Variants in DEFB119 observed in about 807,000 individuals in gnomAD.
DEFB119 encodes defensin beta 119.
Under a neutral mutation model 2.5 loss-of-function variants are expected in DEFB119, and 3 were observed. The observed-to-expected ratio is 1.19, with a 90% CI of 0.54 to 3.07. The LOEUF is 3.07. Ranked by LOEUF, DEFB119 falls within the 30% of genes most tolerant of loss-of-function variation. The pLI is 0.03. For synonymous variants in DEFB119, 29 were observed against 33.7 expected (o/e 0.86, Z 0.48); for missense variants, 113 against 101.1 (o/e 1.12, Z -0.50).
chr20:31,383,880 A>G (rs1986593616), intron 1 of DEFB119, among the ~76,000 whole-genome samples: 1 of 152,046 alleles, frequency 6.6e-6, no homozygotes. Flanking sequence ...AAGTCCAACA[A>G]GATCTGATGG....
At chr20:31,389,280 G>T in intron 1 of DEFB119, 3 of 1,610,322 alleles carry the variant, frequency 1.9e-6, no homozygotes, top group Non-Finnish European at 2.5e-6. Flanking sequence ...TCCCTCAAGC[G>T]GAGAGAAAAG....
intron 1 of DEFB119, among the ~76,000 whole-genome samples, chr20:31,384,461 A>T (rs1444295684): frequency 6.6e-6 from 1 of 152,088 alleles, no homozygotes; most frequent in Admixed American, 6.5e-5. Context: ...CTTTTAAGAT[A>T]AAAAAAATTC....
At chr20:31,378,440 C>T in intron 1 of DEFB119, 1 of 1,611,612 alleles carries the variant, frequency 6.2e-7, no homozygotes, top group South Asian at 1.1e-5. Context: ...TATGATCCAG[C>T]ATCTCATAAC....
chr20:31,377,807 C>G (rs1023113403), intron 1 of DEFB119, among the ~76,000 whole-genome samples: 3 of 152,152 alleles, frequency 2.0e-5, no homozygotes, highest in Admixed American at 6.5e-5. Flanking sequence ...CCTGGAAACA[C>G]AAACGAGTGC....
chr20:31,378,453 A>G, intron 1 of DEFB119: 2 of 1,607,440 alleles, frequency 1.2e-6, no homozygotes, highest in Non-Finnish European at 1.7e-6. Context: ...CTCATAACAT[A>G]ATAATATCAA....
At chr20:31,384,771 A>T (rs1414464500) in intron 1 of DEFB119, among the ~76,000 whole-genome samples, 3 of 152,338 alleles carry the variant, frequency 2.0e-5, no homozygotes, top group South Asian at 4.1e-4. Flanking sequence ...ACAAATTTTT[A>T]AAAATTTTTT....
intron 1 of DEFB119, among the ~76,000 whole-genome samples, chr20:31,389,667 C>T (rs1205612514): frequency 6.6e-6 from 1 of 152,094 alleles, no homozygotes; most frequent in Non-Finnish European, 1.5e-5. Context: ...ATAAGCCCAA[C>T]AAGCCTCAGC....
At position 31,377,205 on chromosome 20, in the gene DEFB119, T is replaced by C. The variant is rs777189261; in HGVS notation, c.*41A>G. On this transcript the variant is annotated 3_prime_UTR_variant, in exon 2 of 2. Transcript: ENST00000376321. ...TTTAATGAGGGGGGTTGACAGCAGGTCTCTGTGCCCAGAGAGCTTGAGAAT... is the reference window on the plus strand; with the variant it reads ...TTTAATGAGGGGGGTTGACAGCAGGCCTCTGTGCCCAGAGAGCTTGAGAAT... The C allele has an allele frequency of 1.9e-5, 30 of 1,553,440 alleles. No homozygotes were observed. The highest frequency in any genetic ancestry group is 2.6e-5 in the Non-Finnish European group (30 of 1,148,882).
chr20:31,386,836 C>T (rs1258802426), intron 1 of DEFB119, among the ~76,000 whole-genome samples: 2 of 95,730 alleles, frequency 2.1e-5, no homozygotes, highest in African/African-American at 4.8e-5. Flanking sequence ...TTTTTTGAGA[C>T]GGAGTCTCGC....
At chr20:31,388,780 C>T (rs1380344412) in intron 1 of DEFB119, among the ~76,000 whole-genome samples, 2 of 152,088 alleles carry the variant, frequency 1.3e-5, no homozygotes, top group Non-Finnish European at 2.9e-5. Context: ...CTCCCCAGTC[C>T]ACTCCTGACT....
chr20:31,382,734 G>A (rs2206382), intron 1 of DEFB119, among the ~76,000 whole-genome samples: 122,887 of 152,158 alleles, frequency 0.81, 49,682 homozygotes, highest in Non-Finnish European at 0.83. Flanking sequence ...CATTATTCAT[G>A]TTCAAGAAAC....
intron 1 of DEFB119, chr20:31,388,141 CA>C (rs1268058910): frequency 9.1e-6 from 9 of 985,118 alleles, no homozygotes; most frequent in Non-Finnish European, 1.1e-5. Context: ...TCTAGATTCC[CA>C]AACAGGATTC....
At chr20:31,381,569 T>C (rs1568729289) in intron 1 of DEFB119, among the ~76,000 whole-genome samples, 1 of 152,240 alleles carries the variant, frequency 6.6e-6, no homozygotes, top group Non-Finnish European at 1.5e-5. Flanking sequence ...TCCCGGCACT[T>C]TGTGAGGCCA....
chr20:31,382,775 G>A (rs962295934), intron 1 of DEFB119, among the ~76,000 whole-genome samples: 17 of 152,220 alleles, frequency 1.1e-4, no homozygotes, highest in African/African-American at 4.1e-4. Context: ...GCCCAGCACT[G>A]GGCTTAACAT....
At chr20:31,386,882 C>A (rs1255983670) in intron 1 of DEFB119, among the ~76,000 whole-genome samples, 2 of 135,256 alleles carry the variant, frequency 1.5e-5, no homozygotes, top group Non-Finnish European at 3.0e-5. Context: ...GGCGGGATCT[C>A]GGCTCACTGC....
intron 1 of DEFB119, among the ~76,000 whole-genome samples, chr20:31,386,324 C>G (rs1986702793): frequency 2.6e-5 from 4 of 152,126 alleles, no homozygotes; most frequent in Admixed American, 2.6e-4. Context: ...TCATGGGCAG[C>G]CTAAGTGTCC....
intron 1 of DEFB119, chr20:31,378,299 C>G: frequency 6.2e-7 from 1 of 1,613,834 alleles, no homozygotes; most frequent in Non-Finnish European, 8.5e-7. Context: ...GAACATCCCT[C>G]CCCATCCCAA....
At chr20:31,382,658 T>C (rs1203010866) in intron 1 of DEFB119, among the ~76,000 whole-genome samples, 2 of 152,188 alleles carry the variant, frequency 1.3e-5, no homozygotes, top group East Asian at 3.9e-4. Context: ...TCCACCCAGA[T>C]TCCTGGAACC....
chr20:31,377,545 C>T, intron 1 of DEFB119, 106 bp from the exon 2 acceptor site: 1 of 1,225,410 alleles, frequency 8.2e-7, no homozygotes, highest in Non-Finnish European at 1.1e-6. Context: ...GGGAGAAAAC[C>T]TAAAGGACAA....
Sources: gnomAD v4.1 joint callset for allele counts (sites outside exome capture counted in the v4.1 genomes callset) on GRCh38, gnomAD v4.1.1 for gene constraint, MANE v1.5 for transcripts, NCBI Gene and HGNC (gene_info 2026-07-23, HGNC 2026-07-21) for gene names.